ANKFY1: variants seen among roughly 807,000 people sequenced by gnomAD.
ANKFY1 encodes ankyrin repeat and FYVE domain containing 1.
A neutral mutation model predicts 128.3 loss-of-function variants in ANKFY1; 47 were observed. That is an observed-to-expected ratio of 0.37 (90% CI 0.29 to 0.47). The LOEUF (loss-of-function observed/expected upper bound fraction) is 0.47, where lower values mean the gene tolerates loss of function less well. Among genes scored for constraint, ANKFY1 ranks in the 20% least tolerant of loss-of-function variants. The pLI, the probability that ANKFY1 is intolerant of heterozygous loss-of-function variation, is 1.00. For synonymous variants in ANKFY1, 553 were observed against 601.6 expected (o/e 0.92, Z 1.18); for missense variants, 1,222 against 1,510.6 (o/e 0.81, Z 3.17).
rs2059174581 is a variant in ANKFY1 at position 4,164,315 on chromosome 17, C to CAAAG, written c.*3460_*3463dup. On this transcript the variant is annotated 3_prime_UTR_variant, in exon 25 of 25. Transcript: ENST00000341657. The stretch of plus-strand genomic sequence containing the variant: ...AGGAATAGTACAGGCAATGATCTTC[C>CAAAG]AAAGAAAGTCTTTAAGGCATCTGTA... The CAAAG allele has an allele frequency of 6.5e-6, 1 of 152,674 alleles. No homozygotes were observed. The highest frequency in any genetic ancestry group is 1.5e-5 in the Non-Finnish European group (1 of 68,046). The allele number at this position is 152,674 out of a possible 1,614,324, so 9.5% of individuals were successfully genotyped here.
intron 3 of ANKFY1, chr17:4,223,721 T>C: frequency 6.3e-7 from 1 of 1,592,172 alleles, no homozygotes; most frequent in Non-Finnish European, 8.6e-7. Flanking sequence ...TGATGAACCA[T>C]TTGCTGTGAT....
chr17:4,256,041 C>T (rs1968099908), intron 1 of ANKFY1, among the ~76,000 whole-genome samples: 1 of 152,088 alleles, frequency 6.6e-6, no homozygotes, highest in Non-Finnish European at 1.5e-5. Flanking sequence ...TAGTCTCAAA[C>T]TCCTGATCTT....
intron 1 of ANKFY1, among the ~76,000 whole-genome samples, chr17:4,245,962 G>A (rs1280350347): frequency 6.6e-6 from 1 of 151,542 alleles, no homozygotes; most frequent in Non-Finnish European, 1.5e-5. Context: ...AAGAATCGCT[G>A]GAACCCAGGA....
Position 4,263,946 on chromosome 17 carries a change from GGCCCGGCACT to G in ANKFY1, c.-15_-6del, listed in dbSNP as rs1968568346. On this transcript the variant is annotated 5_prime_UTR_variant, in exon 1 of 25. Transcript: ENST00000341657. The stretch of plus-strand genomic sequence containing the variant: ...AAAAACCCTACCTTCCGCCATGTCT[GGCCCGGCACT>G]GCCTGCAACCTCGCGAGAAGTGCGC... 1 of 1,614,034 alleles carries G rather than the reference GGCCCGGCACT, an allele frequency of 6.2e-7. No homozygotes were observed. The highest frequency in any genetic ancestry group is 1.1e-5 in the South Asian group (1 of 91,082).
Position 4,211,586 on chromosome 17 carries a change from G to A in ANKFY1, c.459-1639C>T, listed in dbSNP as rs143471808. On this transcript the variant is annotated intron_variant, in intron 4 of 24. Coordinates refer to ENST00000341657, the MANE Select transcript of ANKFY1 (RefSeq NM_001330063.2). ...TTCAGAATCATTAATAAGGAAACAC[G>A]GCCAGGTGCAAAGGCTCACACCTGT... Among the ~76,000 whole-genome samples, 37 of 151,742 alleles carry A rather than the reference G, an allele frequency of 2.4e-4. 1 individual carries two copies. The East Asian group carries it at 4.1e-3, about 17-fold the overall frequency.
intron 1 of ANKFY1, among the ~76,000 whole-genome samples, chr17:4,252,893 G>A (rs992078842): frequency 5.3e-5 from 8 of 152,180 alleles, no homozygotes; most frequent in Non-Finnish European, 2.9e-5. Context: ...ATGAGGTACA[G>A]ATGTATCTCA....
chr17:4,181,580 G>C lies in ANKFY1; in HGVS notation c.2122-208C>G, dbSNP rs532999113. Among the ~76,000 whole-genome samples, 1 of 152,240 alleles carries C rather than the reference G, an allele frequency of 6.6e-6. No homozygotes were observed. Among genetic ancestry groups the C allele is most frequent in the South Asian group, 2.1e-4 (1 of 4,830 alleles). On this transcript the variant is annotated intron_variant, in intron 15 of 24. Coordinates refer to ENST00000341657, the MANE Select transcript of ANKFY1 (RefSeq NM_001330063.2). This position sits in a 1 kb window ranked among gnomAD's most constrained non-coding sequence, Gnocchi z 4.9. Reference sequence around the variant, plus strand: ...TGTGCAAGTTCGTGCACTAGGTCCTGTGGGACAGACTTGGGAAGTATAAAC... The same window carrying C: ...TGTGCAAGTTCGTGCACTAGGTCCTCTGGGACAGACTTGGGAAGTATAAAC...
intron 3 of ANKFY1, chr17:4,223,438 C>A: frequency 1.6e-6 from 2 of 1,258,604 alleles, no homozygotes; most frequent in Non-Finnish European, 2.3e-6. Context: ...GGAACTGTAT[C>A]ACTGATGACA....
chr17:4,168,233 A>C (rs991132664), intron 24 of ANKFY1: 9 of 174,314 alleles, frequency 5.2e-5, no homozygotes, highest in Admixed American at 1.2e-4. Flanking sequence ...CAGGCGCATC[A>C]CTTGAGGGCA....
chr17:4,182,375 A>G, intron 14 of ANKFY1, 26 bp from the exon 15 acceptor site: 1 of 1,496,758 alleles, frequency 6.7e-7, no homozygotes, highest in Non-Finnish European at 9.0e-7. Context: ...CACCCAAACC[A>G]ACGTTTGTGG....
intron 2 of ANKFY1, among the ~76,000 whole-genome samples, chr17:4,238,754 C>T (rs1967049322): frequency 6.6e-6 from 1 of 151,876 alleles, no homozygotes; most frequent in South Asian, 2.1e-4. Flanking sequence ...GTGTGAGCCA[C>T]CACACCCAGC....
At chr17:4,186,404 G>A (rs79776155) in intron 11 of ANKFY1, 7,803 of 152,066 alleles carry the variant, frequency 0.051, 421 homozygotes, top group African/African-American at 0.14. Flanking sequence ...CACTCCCACT[G>A]CCTCACTTGG....
At chr17:4,223,676 G>A in intron 3 of ANKFY1, 2 of 1,601,692 alleles carry the variant, frequency 1.2e-6, no homozygotes, top group Non-Finnish European at 1.7e-6. Flanking sequence ...ATACCTGAAA[G>A]ATGGTTACCG....
At chr17:4,205,684 G>A (rs997244522) in intron 7 of ANKFY1, among the ~76,000 whole-genome samples, 2 of 151,136 alleles carry the variant, frequency 1.3e-5, no homozygotes, top group African/African-American at 4.9e-5. Context: ...GGAGCTTGCC[G>A]TGAGCCAAGA....
At chr17:4,194,841 G>T (rs2059787312) in intron 10 of ANKFY1, 137 bp downstream of exon 10, 3 of 791,924 alleles carry the variant, frequency 3.8e-6, no homozygotes, top group Non-Finnish European at 6.1e-6. Flanking sequence ...GGCTTTTACT[G>T]TATATAAAAT....
chr17:4,182,483 A>C, intron 14 of ANKFY1, 134 bp from the exon 15 acceptor site: 5 of 670,316 alleles, frequency 7.5e-6, no homozygotes, highest in Middle Eastern at 4.7e-4. Context: ...ATATTTTCTC[A>C]GGGAAATTAA....
Position 4,181,322 on chromosome 17 carries a change from G to A in ANKFY1, c.2172C>T (p.Cys724=), listed in dbSNP as rs1345648077. The A allele has an allele frequency of 1.2e-6, 2 of 1,614,128 alleles. No individual in the cohort carries two copies. The highest frequency in any genetic ancestry group is 1.7e-5 in the Admixed American group (1 of 60,006). ...ATCWGPGPGG[C]LQTLLHRAID... ...TGGCTCTGTGCAGGAGCGTCTGAAG[G>A]CACCCACCAGGTCCCGGACCCCAGC... The change falls in exon 16 of 25, where the codon TGC becomes TGT. Residue 724 remains cysteine (C), a synonymous_variant. Coordinates refer to ENST00000341657, the MANE Select transcript of ANKFY1 (RefSeq NM_001330063.2). This position sits in a 1 kb window ranked among gnomAD's most constrained non-coding sequence, Gnocchi z 4.9.
At chr17:4,259,629 A>C (rs1337505510) in intron 1 of ANKFY1, among the ~76,000 whole-genome samples, 1 of 152,208 alleles carries the variant, frequency 6.6e-6, no homozygotes, top group Non-Finnish European at 1.5e-5. Context: ...CTGGATGAAA[A>C]GTAGGTTAGG....
chr17:4,194,147 C>T (rs1401287914), intron 10 of ANKFY1, among the ~76,000 whole-genome samples: 3 of 122,028 alleles, frequency 2.5e-5, no homozygotes, highest in African/African-American at 9.8e-5. Context: ...TCAGTCTCCT[C>T]ACCCAGGCTG....
Sources: gnomAD v4.1 joint callset for allele counts (sites outside exome capture counted in the v4.1 genomes callset) on GRCh38, gnomAD v4.1.1 for gene constraint, Gnocchi (gnomAD v3.1) non-coding constraint, MANE v1.5 for transcripts, NCBI Gene and HGNC (gene_info 2026-07-23, HGNC 2026-07-21) for gene names.